The following AGPAT3 variants were observed in gnomAD, a reference collection of about 807,000 sequenced individuals.
AGPAT3 encodes the protein 1-acylglycerol-3-phosphate O-acyltransferase 3.
In AGPAT3, 5 loss-of-function variants were observed where a neutral mutation model predicts 47.3. The observed-to-expected ratio is 0.11, with a 90% CI of 0.06 to 0.22. The LOEUF is 0.22. Among genes scored for constraint, AGPAT3 ranks in the 10% least tolerant of loss-of-function variants. The pLI is 1.00. For synonymous variants in AGPAT3, 212 were observed against 208.3 expected, an observed-to-expected ratio of 1.02 and a Z score of -0.15; for missense variants, 315 against 493.0, an observed-to-expected ratio of 0.64 and a Z score of 3.42.
chr21:43,895,688 A>G (rs1384279281), intron 1 of AGPAT3, among the ~76,000 whole-genome samples: 1 of 152,104 alleles, frequency 6.6e-6, no homozygotes, highest in African/African-American at 2.4e-5. Flanking sequence ...CGTGGGTTCA[A>G]GTGATTCTCC....
chr21:43,947,959 G>T (rs1049996462), intron 2 of AGPAT3, among the ~76,000 whole-genome samples: 1 of 152,196 alleles, frequency 6.6e-6, no homozygotes, highest in African/African-American at 2.4e-5. Flanking sequence ...CCCAGCCTAT[G>T]CTGGCTGTTT....
chr21:43,882,207 T>C (rs2085868700), intron 1 of AGPAT3, among the ~76,000 whole-genome samples: 1 of 152,254 alleles, frequency 6.6e-6, no homozygotes, highest in African/African-American at 2.4e-5. Flanking sequence ...CCACATCTCC[T>C]TTGCATAATG....
intron 2 of AGPAT3, among the ~76,000 whole-genome samples, chr21:43,909,441 G>T (rs1401095596): frequency 6.6e-6 from 1 of 152,006 alleles, no homozygotes; most frequent in Non-Finnish European, 1.5e-5. Flanking sequence ...GACTACAGGC[G>T]CCTGCCACCA....
chr21:43,973,040 AC>A (rs1482532798), intron 7 of AGPAT3, among the ~76,000 whole-genome samples: 2 of 152,212 alleles, frequency 1.3e-5, no homozygotes, highest in Non-Finnish European at 2.9e-5. Context: ...TACAAATTAA[AC>A]GAAGCAAAAC....
chr21:43,968,985 G>A lies in AGPAT3; in HGVS notation c.349-133G>A, dbSNP rs1040346751. On this transcript the variant is annotated intron_variant, in intron 4 of 9. Coordinates refer to ENST00000291572, the MANE Select transcript of AGPAT3 (RefSeq NM_020132.5). ...AGAAGCCGGGTCCTGCTTCACAGCA[G>A]ACCCCCTGAGCCACAAAGCCGTGAC... 6 of 901,602 alleles carry A rather than the reference G, an allele frequency of 6.7e-6. No individual in the cohort carries two copies. The African/African-American group carries it at 8.4e-5, about 13-fold the overall frequency. The allele number at this position is 901,602 out of a possible 1,614,324, so 55.9% of individuals were successfully genotyped here. A position where few individuals can be genotyped will look rare whatever the true frequency, so the allele number is the denominator to read the frequency against.
chr21:43,896,036 G>A (rs1287658777), intron 1 of AGPAT3, among the ~76,000 whole-genome samples: 3 of 152,166 alleles, frequency 2.0e-5, no homozygotes, highest in Non-Finnish European at 4.4e-5. Flanking sequence ...CCAGAGTGCC[G>A]AGATTACAGG....
intron 1 of AGPAT3, among the ~76,000 whole-genome samples, chr21:43,897,110 C>T (rs551748398): frequency 2.6e-5 from 4 of 151,874 alleles, no homozygotes; most frequent in East Asian, 3.9e-4. Flanking sequence ...TGCGGCCTTC[C>T]GCAGTGTTTG....
rs1324070387 is a variant in AGPAT3, at chr21:43,959,096, CAT to C, written c.-48-537_-48-536del. ...TGTGTGGTTTGTGGTGTGTGTGTGT[CAT>C]GTGTGTGGTTTGCAGTGTGTGTGTG... On this transcript the variant is annotated intron_variant, in intron 2 of 9. Transcript: ENST00000291572. 2.3e-3 allele frequency among the ~76,000 whole-genome samples: 231 copies of C among 100,734 alleles called. 1 individual carries two copies. The highest frequency in any genetic ancestry group is 4.2e-3 in the Admixed American group (35 of 8,338). 66.1% of individuals were successfully genotyped at this position (100,734 alleles called of 152,430 possible). A position where few individuals can be genotyped will look rare whatever the true frequency, so the allele number is the denominator to read the frequency against.
At chr21:43,903,553 G>C (rs1033834038) in intron 1 of AGPAT3, among the ~76,000 whole-genome samples, 1 of 152,246 alleles carries the variant, frequency 6.6e-6, no homozygotes, top group Admixed American at 6.5e-5. Flanking sequence ...TTGGGAAGCA[G>C]CGGGAGCGCA....
Position 43,982,407 on chromosome 21 carries a change from T to C in AGPAT3, c.*15T>C. On this transcript the variant is annotated 3_prime_UTR_variant, in exon 10 of 10. Coordinates refer to ENST00000291572, the MANE Select transcript of AGPAT3 (RefSeq NM_020132.5). The surrounding 1 kb of genome is among the most constrained non-coding windows in gnomAD (Gnocchi z 6.2). ...AAAAGGAATAATTAATGGCTGTGACTGAACACACGCGGCCCTGACGGTGGT... is the reference window on the plus strand; with the variant it reads ...AAAAGGAATAATTAATGGCTGTGACCGAACACACGCGGCCCTGACGGTGGT... The C allele has an allele frequency of 6.3e-7, 1 of 1,593,806 alleles. No homozygotes were observed. Among genetic ancestry groups the C allele is most frequent in the Non-Finnish European group, 8.6e-7 (1 of 1,161,722 alleles).
rs2087329142 is a variant in AGPAT3, at chr21:43,933,509, T to C, written c.-48-26125T>C. Among the ~76,000 whole-genome samples, 1 of 152,208 alleles carries C rather than the reference T, an allele frequency of 6.6e-6. No homozygotes were observed. Among genetic ancestry groups the C allele is most frequent in the Non-Finnish European group, 1.5e-5 (1 of 68,048 alleles). On this transcript the variant is annotated intron_variant, in intron 2 of 9. Transcript: ENST00000291572. The surrounding 1 kb of genome is among the most constrained non-coding windows in gnomAD (Gnocchi z 6.0). ...ATGTCATCATACTCCTGGCTGCTTC[T>C]TGACATTTTCCATGCCCAGCATTGT...
Position 43,933,738 on chromosome 21 carries a change from C to T in AGPAT3, c.-48-25896C>T, listed in dbSNP as rs990592858. ...TGAGGGGAGAGTCAGGAGAGAAGGA[C>T]GCCGCATACCAGATGCCCAGAGGCC... On this transcript the variant is annotated intron_variant, in intron 2 of 9. Coordinates refer to ENST00000291572, the MANE Select transcript of AGPAT3 (RefSeq NM_020132.5). The surrounding 1 kb of genome is among the most constrained non-coding windows in gnomAD (Gnocchi z 6.0). Among the ~76,000 whole-genome samples the T allele has an allele frequency of 6.6e-6, 1 of 151,714 alleles. No individual in the cohort carries two copies.
intron 8 of AGPAT3, 73 bp from the exon 9 acceptor site, chr21:43,980,915 CA>C (rs893885286): frequency 7.6e-7 from 1 of 1,319,826 alleles, no homozygotes; most frequent in African/African-American, 1.5e-5. Context: ...TCATTGCCAA[CA>C]ATCTTCTCCT....
Position 43,981,199 on chromosome 21 carries a change from T to A in AGPAT3, c.1042+12T>A, listed in dbSNP as rs201357925. ...GTTTGTGGGAGCAGGTAATGGACAC[T>A]GTCGCTAACAGCTCACACTCTGACG... On this transcript the variant is annotated intron_variant, in intron 9 of 9. Coordinates refer to ENST00000291572, the MANE Select transcript of AGPAT3 (RefSeq NM_020132.5). This position sits in a 1 kb window ranked among gnomAD's most constrained non-coding sequence, Gnocchi z 5.3. 3.3e-4 allele frequency: 531 copies of A among 1,613,716 alleles called. 6 individuals are homozygous for A. In the Middle Eastern group the frequency reaches 8.4e-3, roughly 26 times the overall value.
chr21:43,922,335 C>T lies in AGPAT3; in HGVS notation c.-49+18316C>T, dbSNP rs571765081. On this transcript the variant is annotated intron_variant, in intron 2 of 9. Transcript: ENST00000291572. The surrounding 1 kb of genome is among the most constrained non-coding windows in gnomAD (Gnocchi z 4.9). Reference sequence around the variant, plus strand: ...AGCAAACAGGAAGCGTGGGGGGAAGCGTGCGTGCGAAGGAGTGCAGCCCCC... The same window carrying T: ...AGCAAACAGGAAGCGTGGGGGGAAGTGTGCGTGCGAAGGAGTGCAGCCCCC... 5.3e-5 allele frequency among the ~76,000 whole-genome samples: 8 copies of T among 152,290 alleles called. No individual in the cohort carries two copies. Among genetic ancestry groups the T allele is most frequent in the South Asian group, 2.1e-4 (1 of 4,820 alleles).
rs554312678 is a variant in AGPAT3 at position 43,987,136 on chromosome 21, A to G, written c.*4744A>G. On this transcript the variant is annotated 3_prime_UTR_variant, in exon 10 of 10. Coordinates refer to ENST00000291572, the MANE Select transcript of AGPAT3 (RefSeq NM_020132.5). ...ATAAAATATCCACAATATAAGAGAA[A>G]GCGACTCCGTGCCTCCTTCTGTTTC... Among the ~76,000 whole-genome samples, 1 of 151,966 alleles carries G rather than the reference A, an allele frequency of 6.6e-6. No individual in the cohort carries two copies. The highest frequency in any genetic ancestry group is 2.4e-5 in the African/African-American group (1 of 41,490).
At chr21:43,977,255 A>G (rs1240827440) in intron 7 of AGPAT3, among the ~76,000 whole-genome samples, 1 of 152,228 alleles carries the variant, frequency 6.6e-6, no homozygotes, top group Non-Finnish European at 1.5e-5. Flanking sequence ...AAATGCCTAC[A>G]TTTTTAATAC....
intron 2 of AGPAT3, among the ~76,000 whole-genome samples, chr21:43,943,220 G>A (rs1397342650): frequency 6.6e-6 from 1 of 152,064 alleles, no homozygotes; most frequent in Non-Finnish European, 1.5e-5. Context: ...GACTACAGGT[G>A]CCGGCCACCA....
At chr21:43,866,024 C>CCA (rs2085498314) in intron 1 of AGPAT3, among the ~76,000 whole-genome samples, 1 of 151,836 alleles carries the variant, frequency 6.6e-6, no homozygotes, top group South Asian at 2.1e-4. Flanking sequence ...GGGCGAAAAC[C>CCA]CACTCCTGGC....
Sources: allele counts gnomAD v4.1 joint callset (sites outside exome capture counted in the v4.1 genomes callset), GRCh38; gene constraint gnomAD v4.1.1; non-coding constraint Gnocchi (gnomAD v3.1); transcripts MANE v1.5; gene names NCBI Gene and HGNC (gene_info 2026-07-23, HGNC 2026-07-21).